The following SH3RF3 variants were observed in gnomAD, a reference collection of about 807,000 sequenced individuals.
SH3RF3 encodes E3 ubiquitin-protein ligase SH3RF3.
In SH3RF3, 29 loss-of-function variants were observed where a neutral mutation model predicts 66.3. That is an observed-to-expected ratio of 0.44 (90% CI 0.33 to 0.60). SH3RF3 has a LOEUF of 0.60. SH3RF3 is among the 20% of genes least tolerant of loss of function. The pLI is 0.04. For synonymous variants in SH3RF3, 583 were observed against 532.0 expected, an observed-to-expected ratio of 1.10 and a Z score of -1.32; for missense variants, 1,194 against 1,190.9, an observed-to-expected ratio of 1.00 and a Z score of -0.04.
At chr2:109,305,555 G>A (rs934301231) in intron 1 of SH3RF3, among the ~76,000 whole-genome samples, 3 of 152,180 alleles carry the variant, frequency 2.0e-5, no homozygotes, top group Admixed American at 6.5e-5. Flanking sequence ...TTATGCACCA[G>A]GAAGCTCCGT....
chr2:109,324,846 G>C (rs1682110810), intron 1 of SH3RF3, among the ~76,000 whole-genome samples: 1 of 152,176 alleles, frequency 6.6e-6, no homozygotes, highest in Admixed American at 6.5e-5. Context: ...TCTCCTTGAG[G>C]TGTGTGCAAG....
At chr2:109,421,679 C>T (rs1339083231) in intron 5 of SH3RF3, among the ~76,000 whole-genome samples, 1 of 152,196 alleles carries the variant, frequency 6.6e-6, no homozygotes, top group Non-Finnish European at 1.5e-5. Context: ...GGGCACTTTC[C>T]ACTCAGCTTG....
intron 1 of SH3RF3, among the ~76,000 whole-genome samples, chr2:109,166,855 C>G (rs552757103): frequency 1.3e-5 from 2 of 152,292 alleles, no homozygotes; most frequent in East Asian, 3.9e-4. Flanking sequence ...ATGATTTTAA[C>G]AAGATTTTTA....
intron 1 of SH3RF3, among the ~76,000 whole-genome samples, chr2:109,223,273 C>T (rs1183760386): frequency 1.3e-5 from 2 of 152,196 alleles, no homozygotes; most frequent in Non-Finnish European, 2.9e-5. Flanking sequence ...ATCCAGAGCC[C>T]TCAGAGGCTG....
intron 1 of SH3RF3, among the ~76,000 whole-genome samples, chr2:109,269,850 G>A (rs747869780): frequency 1.8e-4 from 28 of 152,190 alleles, no homozygotes; most frequent in Non-Finnish European, 1.3e-4. Flanking sequence ...CAGAATGTTC[G>A]TGTGCTCAGG....
At chr2:109,225,332 A>G (rs1392255428) in intron 1 of SH3RF3, among the ~76,000 whole-genome samples, 2 of 152,252 alleles carry the variant, frequency 1.3e-5, no homozygotes, top group African/African-American at 2.4e-5. Flanking sequence ...GAGACCTGCA[A>G]GTAACCAAGG....
intron 1 of SH3RF3, among the ~76,000 whole-genome samples, chr2:109,273,507 C>T (rs1181830731): frequency 6.6e-6 from 1 of 152,170 alleles, no homozygotes; most frequent in Non-Finnish European, 1.5e-5. Flanking sequence ...AGTGGAGGAC[C>T]AGGTGAATGC....
chr2:109,321,594 A>G (rs551887866), intron 1 of SH3RF3, among the ~76,000 whole-genome samples: 1 of 152,400 alleles, frequency 6.6e-6, no homozygotes, highest in Non-Finnish European at 1.5e-5. Flanking sequence ...GACAATCAAT[A>G]GAGGATTACA....
At position 109,149,794 on chromosome 2, in the gene SH3RF3, A is replaced by C. The variant is rs118138419; in HGVS notation, c.573+19681A>C. ...TTGGAAAACCTTAGCTACAGTGGAG[A>C]TGCTTTGTAGTGCAGGTATTTTTGT... On this transcript the variant is annotated intron_variant, in intron 1 of 9. Coordinates refer to ENST00000309415, the MANE Select transcript of SH3RF3 (RefSeq NM_001099289.3). Among the ~76,000 whole-genome samples the C allele has an allele frequency of 2.0e-5, 3 of 152,354 alleles. No homozygotes were observed. The East Asian group carries it at 5.8e-4, about 29-fold the overall frequency.
chr2:109,180,541 G>T (rs940155474), intron 1 of SH3RF3, among the ~76,000 whole-genome samples: 5 of 152,158 alleles, frequency 3.3e-5, no homozygotes, highest in Non-Finnish European at 2.9e-5. Context: ...TTGTGGGAGG[G>T]ACCCAGTGGG....
chr2:109,305,379 G>A (rs1681566623), intron 1 of SH3RF3, among the ~76,000 whole-genome samples: 1 of 152,096 alleles, frequency 6.6e-6, no homozygotes, highest in Non-Finnish European at 1.5e-5. Context: ...GGCCCATACA[G>A]GTGTCTCGGG....
chr2:109,334,358 TAAA>T (rs372662372), intron 1 of SH3RF3, among the ~76,000 whole-genome samples: 1,915 of 126,100 alleles, frequency 0.015, 27 homozygotes, highest in African/African-American at 0.042. Flanking sequence ...TTTTTTCCTT[TAAA>T]AAAAAAAAAA....
chr2:109,497,985 C>T (rs1679295328), intron 9 of SH3RF3, among the ~76,000 whole-genome samples: 1 of 152,168 alleles, frequency 6.6e-6, no homozygotes, highest in Non-Finnish European at 1.5e-5. Flanking sequence ...GGTAGGATGG[C>T]GCTGATCCTG....
chr2:109,256,281 C>T (rs1419456502), intron 1 of SH3RF3, among the ~76,000 whole-genome samples: 1 of 152,128 alleles, frequency 6.6e-6, no homozygotes, highest in African/African-American at 2.4e-5. Flanking sequence ...CCTGGTTGAG[C>T]GTATTACTGG....
At chr2:109,435,394 A>G (rs1677371257) in intron 6 of SH3RF3, among the ~76,000 whole-genome samples, 1 of 152,258 alleles carries the variant, frequency 6.6e-6, no homozygotes, top group African/African-American at 2.4e-5. Context: ...CTTATCTGGC[A>G]GTGATTGGAG....
chr2:109,402,501 A>G (rs1676342438), intron 4 of SH3RF3, among the ~76,000 whole-genome samples: 1 of 152,204 alleles, frequency 6.6e-6, no homozygotes, highest in Non-Finnish European at 1.5e-5. Context: ...GGAAACGTGG[A>G]GTGGACAGAG....
chr2:109,427,917 TCG>T (rs1469948869), intron 5 of SH3RF3, among the ~76,000 whole-genome samples: 1 of 152,242 alleles, frequency 6.6e-6, no homozygotes, highest in Non-Finnish European at 1.5e-5. Flanking sequence ...CCCCAGGTGC[TCG>T]CGCACGCTCC....
chr2:109,303,722 G>A (rs549308132), intron 1 of SH3RF3, among the ~76,000 whole-genome samples: 2 of 152,234 alleles, frequency 1.3e-5, no homozygotes, highest in Admixed American at 6.5e-5. Flanking sequence ...CTTTGTTGAG[G>A]CCTGGTTGGC....
intron 1 of SH3RF3, among the ~76,000 whole-genome samples, chr2:109,160,304 A>G (rs1446042686): frequency 6.6e-6 from 1 of 152,246 alleles, no homozygotes; most frequent in Non-Finnish European, 1.5e-5. Flanking sequence ...AGAGGAGGCC[A>G]GAGAGGGCTT....
Sources: allele counts gnomAD v4.1 joint callset (sites outside exome capture counted in the v4.1 genomes callset), GRCh38; gene constraint gnomAD v4.1.1; transcripts MANE v1.5; gene names NCBI Gene and HGNC (gene_info 2026-07-23, HGNC 2026-07-21).